The following C8A variants were observed in gnomAD, a reference collection of about 807,000 sequenced individuals.
C8A encodes the protein complement C8 alpha chain, also known as complement component C8 alpha chain.
A neutral mutation model predicts 65.3 loss-of-function variants in C8A; 67 were observed. That is an observed-to-expected ratio of 1.03 (90% CI 0.84 to 1.26). The LOEUF (loss-of-function observed/expected upper bound fraction) is 1.26, where lower values mean the gene tolerates loss of function less well. Ranked by LOEUF, C8A falls within the 50% of genes most tolerant of loss-of-function variation. The probability of loss-of-function intolerance (pLI) is 0.00; values close to 1 mark genes in which losing one functional copy is unlikely to be tolerated. For missense variants in C8A, 781 were observed against 723.9 expected (o/e 1.08, Z -0.90); for synonymous variants, 290 against 259.4 (o/e 1.12, Z -1.13).
chr1:56,863,690 G>A (rs1049373220), intron 1 of C8A, among the ~76,000 whole-genome samples: 8 of 152,104 alleles, frequency 5.3e-5, no homozygotes, highest in African/African-American at 1.9e-4. Context: ...AGAAAAATAC[G>A]TGTGTAACCA....
chr1:56,907,205 T>G (rs186540434), intron 8 of C8A, among the ~76,000 whole-genome samples: 24 of 152,264 alleles, frequency 1.6e-4, no homozygotes, highest in Admixed American at 1.5e-3. Flanking sequence ...TACAGGAATA[T>G]TTTATGGCAT....
chr1:56,860,822 AAAG>A (rs1396488951), intron 1 of C8A, among the ~76,000 whole-genome samples: 1 of 152,202 alleles, frequency 6.6e-6, no homozygotes, highest in Non-Finnish European at 1.5e-5. Context: ...AGAAAGAGAA[AAAG>A]AAGAAAGACC....
chr1:56,907,581 C>T (rs1193999837), intron 8 of C8A, among the ~76,000 whole-genome samples: 1 of 152,198 alleles, frequency 6.6e-6, no homozygotes, highest in Non-Finnish European at 1.5e-5. Flanking sequence ...ATAGTAACAT[C>T]TGTTGTACCT....
chr1:56,881,783 A>C, intron 5 of C8A, 149 bp downstream of exon 5: 1 of 757,262 alleles, frequency 1.3e-6, no homozygotes, highest in East Asian at 2.7e-5. Flanking sequence ...ATCCCCACAC[A>C]TGCTTAGTGT....
chr1:56,881,503 G>C lies in C8A; in HGVS notation c.523G>C (p.Gly175Arg). ...QSVYDASYYGGQCETVYNGEW... is the reference protein window; with the variant it reads ...QSVYDASYYGRQCETVYNGEW... ...TGTGTACGATGCCAGTTATTATGGG[G>C]GCCAGTGTGAGACGGTATACAATGG... Residue 175 changes from glycine (G) to arginine (R), a missense_variant, in exon 5 of 11, where the codon GGC becomes CGC. Gly to Arg is a moderately radical substitution (Grantham distance 125). Transcript: ENST00000361249. 2 of 1,613,780 alleles carry C rather than the reference G, an allele frequency of 1.2e-6. No individual in the cohort carries two copies. The highest frequency in any genetic ancestry group is 1.7e-6 in the Non-Finnish European group (2 of 1,179,792).
In C8A at chr1:56,885,371, TATATTTATTTAAATATATATTTAA is replaced by T. The variant is rs1644286075; in HGVS notation, c.856-552_856-529del. Among the ~76,000 whole-genome samples, 4 of 68,016 alleles carry T rather than the reference TATATTTATTTAAATATATATTTAA, an allele frequency of 5.9e-5. No individual in the cohort carries two copies. In the South Asian group the frequency reaches 1.7e-3, roughly 28 times the overall value. The allele number at this position is 68,016 out of a possible 152,430, so 44.6% of individuals were successfully genotyped here. On this transcript the variant is annotated intron_variant, in intron 6 of 10. Transcript: ENST00000361249. ...ATATATATTTATGTAAATATATATT[TATATTTATTTAAATATATATTTAA>T]ATAAATATATATTTATTTAAATATA...
chr1:56,883,809 A>G (rs553870712), intron 6 of C8A, 128 bp downstream of exon 6: 1 of 757,178 alleles, frequency 1.3e-6, no homozygotes, highest in South Asian at 1.7e-5. Flanking sequence ...GAAATGTCTG[A>G]TCAGTGGTAA....
intron 10 of C8A, among the ~76,000 whole-genome samples, chr1:56,915,857 G>A (rs368141710): frequency 7.2e-5 from 11 of 152,146 alleles, no homozygotes; most frequent in African/African-American, 1.9e-4. Flanking sequence ...GAGAGCAGAG[G>A]GTCTGAGACA....
In C8A at chr1:56,883,574, G is replaced by A. The variant is rs749634652; in HGVS notation, c.748G>A (p.Val250Met). ...VKKDKSDSFG[V>M]TIGIGPAGSP... ...AAAAGACAAGTCTGACTCATTTGGAGTGACCATCGGCATAGGCCCAGCCGG... is the reference window on the plus strand; with the variant it reads ...AAAAGACAAGTCTGACTCATTTGGAATGACCATCGGCATAGGCCCAGCCGG... Residue 250 changes from valine to methionine, a missense_variant, in exon 6 of 11, where the codon GTG (valine) becomes ATG (methionine). Coordinates refer to ENST00000361249, the MANE Select transcript of C8A (RefSeq NM_000562.3). 3.7e-6 allele frequency: 6 copies of A among 1,613,824 alleles called. No homozygotes were observed. In the Admixed American group the frequency reaches 6.7e-5, roughly 18 times the overall value.
chr1:56,859,351 C>A (rs1473720160), intron 1 of C8A, among the ~76,000 whole-genome samples: 1 of 152,212 alleles, frequency 6.6e-6, no homozygotes, highest in Non-Finnish European at 1.5e-5. Context: ...CAGTCATAAT[C>A]TCTGTCTTCC....
At chr1:56,855,636 GTT>G (rs5774310) in intron 1 of C8A, among the ~76,000 whole-genome samples, 2,741 of 146,838 alleles carry the variant, frequency 0.019, 65 homozygotes, top group East Asian at 0.079. Flanking sequence ...TGCTTCATGG[GTT>G]TTTTTTTTTT....
In C8A at chr1:56,875,061, A is replaced by G. The variant is rs779209088; in HGVS notation, c.284A>G (p.Gln95Arg). 3 of 1,613,702 alleles carry G rather than the reference A, an allele frequency of 1.9e-6. No individual in the cohort carries two copies. Among genetic ancestry groups the G allele is most frequent in the Admixed American group, 3.3e-5 (2 of 59,982 alleles). Residue 95 changes from glutamine to arginine, a missense_variant, in exon 3 of 11, where the codon CAG becomes CGG. Physicochemically the swap from Gln to Arg is conservative, Grantham distance 43 (BLOSUM62 1). Transcript: ENST00000361249. ...SSSTTCVRQA[Q>R]CGQDFQCKET... Reference sequence around the variant, plus strand: ...TCTACAACTTGTGTAAGGCAAGCACAGTGTGGACAGGATTTCCAGTGTAAG... The same window carrying G: ...TCTACAACTTGTGTAAGGCAAGCACGGTGTGGACAGGATTTCCAGTGTAAG...
chr1:56,880,593 C>G (rs1228851159), intron 4 of C8A, among the ~76,000 whole-genome samples: 1 of 152,092 alleles, frequency 6.6e-6, no homozygotes, highest in African/African-American at 2.4e-5. Context: ...CCCATGCTGC[C>G]TCAAAGATAA....
At chr1:56,908,197 T>G in intron 9 of C8A, 84 bp downstream of exon 9, 1 of 1,431,008 alleles carries the variant, frequency 7.0e-7, no homozygotes, top group African/African-American at 1.4e-5. Context: ...TTTCTTATTA[T>G]GAGCCCATCA....
At chr1:56,912,251 G>A in intron 9 of C8A, 152 bp from the exon 10 acceptor site, 2 of 665,148 alleles carry the variant, frequency 3.0e-6, no homozygotes, top group South Asian at 3.6e-5. Flanking sequence ...TCACAGAATG[G>A]CTGTGAGGAT....
intron 7 of C8A, among the ~76,000 whole-genome samples, chr1:56,895,722 T>C (rs1347210898): frequency 6.6e-6 from 1 of 152,190 alleles, no homozygotes; most frequent in Non-Finnish European, 1.5e-5. Context: ...GAGGATCATT[T>C]GAGCCCAGGA....
intron 6 of C8A, 96 bp downstream of exon 6, chr1:56,883,777 C>T (rs1409756523): frequency 1.9e-6 from 2 of 1,075,560 alleles, no homozygotes; most frequent in Non-Finnish European, 2.7e-6. Flanking sequence ...AGTAATTGAA[C>T]CTTAATTTGC....
At chr1:56,909,431 C>T (rs1644490234) in intron 9 of C8A, among the ~76,000 whole-genome samples, 1 of 152,182 alleles carries the variant, frequency 6.6e-6, no homozygotes, top group Non-Finnish European at 1.5e-5. Context: ...ATTTCTTCTT[C>T]AATAAGTAAG....
rs765558711 is a variant in C8A, at chr1:56,908,063, C to T, written c.1330C>T (p.Arg444Cys). Reference protein sequence around the residue: ...LAQNRSTITYRSWGRSLKYNP... With the variant: ...LAQNRSTITYCSWGRSLKYNP... ...ACAGAACAGGAGCACCATTACATAC[C>T]GTTCCTGGGGGAGGTCATTAAAGTA... The change falls in exon 9 of 11, where the codon CGT (arginine) becomes TGT (cysteine). Residue 444 changes from arginine to cysteine, a missense_variant. Physicochemically the swap from Arg to Cys is radical, Grantham distance 180. Transcript: ENST00000361249. 63 of 1,614,092 alleles carry T rather than the reference C, an allele frequency of 3.9e-5. No individual in the cohort carries two copies. In the East Asian group the frequency reaches 5.6e-4, roughly 14 times the overall value.
Sources: gnomAD v4.1 joint callset for allele counts (sites outside exome capture counted in the v4.1 genomes callset) on GRCh38, gnomAD v4.1.1 for gene constraint, MANE v1.5 for transcripts, NCBI Gene and HGNC (gene_info 2026-07-23, HGNC 2026-07-21) for gene names.